The following UGT1A7 variants were observed in gnomAD, a reference collection of about 807,000 sequenced individuals.
The protein encoded by UGT1A7 is UDP glucuronosyltransferase family 1 member A7.
UGT1A7 carries 33 observed loss-of-function variants against 45.6 expected under a neutral mutation model. The observed-to-expected ratio is 0.72, with a 90% CI of 0.55 to 0.97. The LOEUF (loss-of-function observed/expected upper bound fraction) is 0.97, where lower values mean the gene tolerates loss of function less well. Ranked by LOEUF, UGT1A7 falls within the 50% of genes least tolerant of loss-of-function variation. UGT1A7 has a pLI of 0.00. For synonymous variants in UGT1A7, 274 were observed against 250.6 expected (o/e 1.09, Z -0.88); for missense variants, 684 against 666.2 (o/e 1.03, Z -0.29).
intron 1 of UGT1A7, among the ~76,000 whole-genome samples, chr2:233,757,560 A>ATATATATATATATATATATATATG (rs904896556): frequency 5.7e-5 from 7 of 123,150 alleles, no homozygotes; most frequent in African/African-American, 2.4e-4. Context: ...ATATATATAT[A>ATATATATATATATATATATATATG]TGTATATATG....
At chr2:233,752,028 A>G (rs754794292) in intron 1 of UGT1A7, among the ~76,000 whole-genome samples, 5 of 152,356 alleles carry the variant, frequency 3.3e-5, no homozygotes, top group South Asian at 4.1e-4. Context: ...AGAAATTCCT[A>G]GAAAGGTAAG....
rs575244143 is a variant in UGT1A7, at chr2:233,730,709, C to T, written c.856-36325C>T. Among the ~76,000 whole-genome samples, 89 of 152,156 alleles carry T rather than the reference C, an allele frequency of 5.8e-4. 1 individual carries two copies. The highest frequency in any genetic ancestry group is 6.8e-3 in the Middle Eastern group (2 of 294). ...TCAAATGATTCTTCTACTTGGAATG[C>T]TGAAATTATCAAGAAATGGCGGAAG... On this transcript the variant is annotated intron_variant, in intron 1 of 4. Coordinates refer to ENST00000373426, the MANE Select transcript of UGT1A7 (RefSeq NM_019077.3).
At chr2:233,727,027 T>C (rs1038616426) in intron 1 of UGT1A7, among the ~76,000 whole-genome samples, 3 of 152,346 alleles carry the variant, frequency 2.0e-5, no homozygotes, top group African/African-American at 7.2e-5. Flanking sequence ...TTTTGTACCC[T>C]AAGGAATCTT....
At chr2:233,715,883 A>G (rs1485855848) in intron 1 of UGT1A7, among the ~76,000 whole-genome samples, 1 of 152,340 alleles carries the variant, frequency 6.6e-6, no homozygotes, top group African/African-American at 2.4e-5. Context: ...CTGTGGCCCC[A>G]GCTACTTGGG....
At chr2:233,693,353 AT>A (rs778099997) in intron 1 of UGT1A7, 1 of 1,614,132 alleles carries the variant, frequency 6.2e-7, no homozygotes, top group Admixed American at 1.7e-5. Context: ...GAATAACATG[AT>A]TGTTATTGGC....
At chr2:233,724,616 A>G (rs1272426600) in intron 1 of UGT1A7, among the ~76,000 whole-genome samples, 3 of 132,176 alleles carry the variant, frequency 2.3e-5, no homozygotes, top group Non-Finnish European at 4.8e-5. Flanking sequence ...CCGGGCAGAG[A>G]CGCTCCTCAC....
At chr2:233,695,195 A>G (rs773449261) in intron 1 of UGT1A7, among the ~76,000 whole-genome samples, 1 of 145,992 alleles carries the variant, frequency 6.8e-6, no homozygotes, top group Non-Finnish European at 1.5e-5. Flanking sequence ...GTGCGATCTC[A>G]GCCCACTGCA....
intron 1 of UGT1A7, among the ~76,000 whole-genome samples, chr2:233,734,079 A>C (rs1004495311): frequency 1.5e-4 from 23 of 152,156 alleles, no homozygotes; most frequent in African/African-American, 5.6e-4. Context: ...CACATTGTGC[A>C]CATGCACCCT....
chr2:233,697,939 AG>A (rs1460497490), intron 1 of UGT1A7, among the ~76,000 whole-genome samples: 1 of 152,252 alleles, frequency 6.6e-6, no homozygotes, highest in Non-Finnish European at 1.5e-5. Flanking sequence ...ATTGGAAAAA[AG>A]TAAATGAAAG....
intron 1 of UGT1A7, among the ~76,000 whole-genome samples, chr2:233,684,318 G>C (rs1167563534): frequency 6.6e-6 from 1 of 152,222 alleles, no homozygotes; most frequent in Non-Finnish European, 1.5e-5. Context: ...GGAGATGCAA[G>C]TTGTAGGACG....
At position 233,764,014 on chromosome 2, in the gene UGT1A7, A is replaced by G. The variant is rs28900399; in HGVS notation, c.856-3020A>G. On this transcript the variant is annotated intron_variant, in intron 1 of 4. Transcript: ENST00000373426. ...GATGGTGAAGTCACAGATGACCCACATGGTGTCTAAGTGCTAAAGAAGAAT... is the reference window on the plus strand; with the variant it reads ...GATGGTGAAGTCACAGATGACCCACGTGGTGTCTAAGTGCTAAAGAAGAAT... Among the ~76,000 whole-genome samples the G allele has an allele frequency of 9.6e-3, 1,456 of 152,328 alleles. 29 individuals are homozygous for G. The highest frequency in any genetic ancestry group is 0.033 in the African/African-American group (1,365 of 41,562).
At chr2:233,690,208 T>C (rs181844455) in intron 1 of UGT1A7, among the ~76,000 whole-genome samples, 3 of 152,264 alleles carry the variant, frequency 2.0e-5, no homozygotes, top group African/African-American at 7.2e-5. Flanking sequence ...AAATTCAATG[T>C]TTGCCATTTT....
At position 233,742,119 on chromosome 2, in the gene UGT1A7, C is replaced by T. The variant is rs142315410; in HGVS notation, c.856-24915C>T. Among the ~76,000 whole-genome samples, 140 of 151,952 alleles carry T rather than the reference C, an allele frequency of 9.2e-4. 4 individuals carry two copies. The highest frequency in any genetic ancestry group is 3.3e-3 in the African/African-American group (138 of 41,214). The stretch of plus-strand genomic sequence containing the variant: ...GACCCACTGCCAAGACCAGCTTGGT[C>T]GTGGAGACCCTAACCCAGCAGCGCT... On this transcript the variant is annotated intron_variant, in intron 1 of 4. Coordinates refer to ENST00000373426, the MANE Select transcript of UGT1A7 (RefSeq NM_019077.3).
intron 1 of UGT1A7, among the ~76,000 whole-genome samples, chr2:233,703,760 T>C (rs973851910): frequency 1.3e-5 from 2 of 152,206 alleles, no homozygotes; most frequent in African/African-American, 2.4e-5. Flanking sequence ...ATGTATCTTC[T>C]GCAGACAAGA....
intron 1 of UGT1A7, chr2:233,743,281 T>C (rs1273336134): frequency 4.0e-6 from 2 of 496,058 alleles, no homozygotes; most frequent in East Asian, 1.4e-4. Flanking sequence ...CACCCTTTCT[T>C]GGCCATTCTC....
chr2:233,689,703 C>T (rs1005426384), intron 1 of UGT1A7, among the ~76,000 whole-genome samples: 2 of 152,156 alleles, frequency 1.3e-5, no homozygotes, highest in African/African-American at 4.8e-5. Flanking sequence ...CGTTATTTCC[C>T]CTTATCTGAG....
chr2:233,737,994 C>T (rs1435641802), intron 1 of UGT1A7, among the ~76,000 whole-genome samples: 1 of 151,970 alleles, frequency 6.6e-6, no homozygotes. Flanking sequence ...CTCTGTGTCC[C>T]CCACCAAATC....
intron 1 of UGT1A7, chr2:233,717,818 C>G (rs565320763): frequency 4.4e-6 from 2 of 455,640 alleles, no homozygotes; most frequent in Non-Finnish European, 8.8e-6. Context: ...TTATGCAGCC[C>G]GTTCTGTTCT....
chr2:233,703,766 C>T (rs1275081349), intron 1 of UGT1A7, among the ~76,000 whole-genome samples: 1 of 151,886 alleles, frequency 6.6e-6, no homozygotes, highest in Non-Finnish European at 1.5e-5. Context: ...CTTCTGCAGA[C>T]AAGATATTAT....
Sources: gnomAD v4.1 joint callset for allele counts (sites outside exome capture counted in the v4.1 genomes callset) on GRCh38, gnomAD v4.1.1 for gene constraint, MANE v1.5 for transcripts, NCBI Gene and HGNC (gene_info 2026-07-23, HGNC 2026-07-21) for gene names.